ARID3A: variants seen among roughly 807,000 people sequenced by gnomAD.
ARID3A encodes the protein AT-rich interaction domain 3A.
A neutral mutation model predicts 52.7 loss-of-function variants in ARID3A; 11 were observed. That is an observed-to-expected ratio of 0.21 (90% CI 0.13 to 0.35). The LOEUF (loss-of-function observed/expected upper bound fraction) is 0.35. Among genes scored for constraint, ARID3A ranks in the 10% least tolerant of loss-of-function variants. ARID3A has a pLI of 1.00. For missense variants in ARID3A, 721 were observed against 838.5 expected, an observed-to-expected ratio of 0.86 and a Z score of 1.73; for synonymous variants, 404 against 359.4, an observed-to-expected ratio of 1.12 and a Z score of -1.40.
chr19:958,138 T>TA (rs36083984), intron 3 of ARID3A: 106,787 of 143,616 alleles, frequency 0.74, 39,682 homozygotes, highest in Middle Eastern at 0.86. Context: ...AAATTAAAAT[T>TA]AAAAAAAAAA....
chr19:930,794 C>T (rs1451976288), intron 2 of ARID3A, among the ~76,000 whole-genome samples: 1 of 150,500 alleles, frequency 6.6e-6, no homozygotes, highest in Non-Finnish European at 1.5e-5. Flanking sequence ...CAGGCGTGAG[C>T]CACCACACCC....
Position 960,950 on chromosome 19 carries a change from C to T in ARID3A, c.766+786C>T, listed in dbSNP as rs565352762. Among the ~76,000 whole-genome samples the T allele has an allele frequency of 1.2e-3, 179 of 152,134 alleles. 1 individual carries two copies. The highest frequency in any genetic ancestry group is 3.4e-3 in the Middle Eastern group (1 of 294). ...GGGTGTCCCAGCGGCCATTCCCAGG[C>T]CCCACCCCAGCTTAGAGTGACCACG... On this transcript the variant is annotated intron_variant, in intron 4 of 8. Coordinates refer to ENST00000263620, the MANE Select transcript of ARID3A (RefSeq NM_005224.3). The surrounding 1 kb of genome is among the most constrained non-coding windows in gnomAD (Gnocchi z 4.3).
intron 3 of ARID3A, among the ~76,000 whole-genome samples, chr19:943,978 T>TGTCTGCTCCCCGTGTGTCTGG (rs1321770836): frequency 1.3e-5 from 2 of 151,248 alleles, no homozygotes; most frequent in African/African-American, 4.9e-5. Flanking sequence ...GCACCTGCTG[T>TGTCTGCTCCCCGTGTGTCTGG]ATGCCAGCCC....
chr19:946,149 G>GC (rs2037674762), intron 3 of ARID3A, among the ~76,000 whole-genome samples: 1 of 152,194 alleles, frequency 6.6e-6, no homozygotes, highest in African/African-American at 2.4e-5. Flanking sequence ...TGTACAGAAC[G>GC]CCCCGGCCGC....
intron 3 of ARID3A, among the ~76,000 whole-genome samples, chr19:948,028 C>T (rs1401600330): frequency 2.0e-5 from 3 of 152,122 alleles, no homozygotes; most frequent in African/African-American, 7.2e-5. Context: ...CGGGGAAGGG[C>T]CTGAGGTCAC....
At position 929,812 on chromosome 19, in the gene ARID3A, G is replaced by A. The variant is rs765015703; in HGVS notation, c.284G>A (p.Arg95Gln). 23 of 1,546,070 alleles carry A rather than the reference G, an allele frequency of 1.5e-5. No individual in the cohort carries two copies. In the East Asian group the frequency reaches 1.7e-4, roughly 11 times the overall value. The change falls in exon 2 of 9, where the codon CGG becomes CAG. Residue 95 changes from arginine to glutamine, a missense_variant. Physicochemically the swap from Arg to Gln is conservative, Grantham distance 43. Around this residue, in one of 5 missense-constraint regions of ARID3A, gnomAD observed 349 missense variants for 297.3 expected, o/e 1.17. Transcript: ENST00000263620. This position sits in a 1 kb window ranked among gnomAD's most constrained non-coding sequence, Gnocchi z 6.2. ...GGCTCGGAGGAGGAGGACGCGGCCCGGGAGGGGACACCGGGCTCACCCGGG... is the reference window on the plus strand; with the variant it reads ...GGCTCGGAGGAGGAGGACGCGGCCCAGGAGGGGACACCGGGCTCACCCGGG... The part of the protein sequence containing the change: ...PPGSEEEDAA[R>Q]EGTPGSPGRG...
chr19:969,618 G>C (rs1307447315), intron 8 of ARID3A, among the ~76,000 whole-genome samples: 1 of 150,684 alleles, frequency 6.6e-6, no homozygotes, highest in Non-Finnish European at 1.5e-5. Flanking sequence ...ATTAGATATA[G>C]ATTTATATGT....
chr19:972,369 A>C lies in ARID3A; in HGVS notation c.*304A>C. The C allele has an allele frequency of 4.6e-6, 1 of 215,886 alleles. No individual in the cohort carries two copies. Among genetic ancestry groups the C allele is most frequent in the Non-Finnish European group, 9.3e-6 (1 of 106,960 alleles). 13.4% of individuals were successfully genotyped at this position (215,886 alleles called of 1,614,324 possible). ...AACAGCAAAGAAATCCATCAGAAAAACAGAAAGAGGCAGACGTTTCCCAGG... is the reference window on the plus strand; with the variant it reads ...AACAGCAAAGAAATCCATCAGAAAACCAGAAAGAGGCAGACGTTTCCCAGG... On this transcript the variant is annotated 3_prime_UTR_variant, in exon 9 of 9. Coordinates refer to ENST00000263620, the MANE Select transcript of ARID3A (RefSeq NM_005224.3).
intron 3 of ARID3A, among the ~76,000 whole-genome samples, chr19:943,240 G>A (rs1313853906): frequency 1.3e-5 from 2 of 149,780 alleles, no homozygotes; most frequent in African/African-American, 2.5e-5. Context: ...CAGACTGGGC[G>A]ACAGGGCAGG....
rs765682878 is a variant in ARID3A at position 964,405 on chromosome 19, C to A, written c.924C>A (p.Thr308=). The A allele has an allele frequency of 6.8e-6, 11 of 1,607,084 alleles. No homozygotes were observed. The South Asian group carries it at 1.1e-4, about 16-fold the overall frequency. ...TKGLNLPTSI[T]SAAFTLRTQY... is the part of the protein sequence containing the mutation. The stretch of plus-strand genomic sequence containing the variant: ...GCCTCAACCTGCCCACGTCCATCAC[C>A]AGTGCAGCCTTCACCCTGCGGACCC... The change falls in exon 5 of 9, where the codon ACC becomes ACA. Residue 308 remains threonine (T), a synonymous_variant. Transcript: ENST00000263620. The surrounding 1 kb of genome is among the most constrained non-coding windows in gnomAD (Gnocchi z 5.7).
At chr19:952,598 T>G (rs552459721) in intron 3 of ARID3A, among the ~76,000 whole-genome samples, 10 of 152,240 alleles carry the variant, frequency 6.6e-5, no homozygotes, top group African/African-American at 2.4e-4. Flanking sequence ...ACTTGGATTC[T>G]TTCTTGGATT....
At chr19:940,716 G>T (rs2037531367) in intron 3 of ARID3A, among the ~76,000 whole-genome samples, 1 of 152,184 alleles carries the variant, frequency 6.6e-6, no homozygotes, top group South Asian at 2.1e-4. Context: ...TGTTTGTCAA[G>T]AGAGCCCCGA....
intron 3 of ARID3A, among the ~76,000 whole-genome samples, chr19:953,422 G>T (rs975269450): frequency 1.3e-5 from 2 of 151,884 alleles, no homozygotes; most frequent in African/African-American, 4.8e-5. Flanking sequence ...CTCCAGAGGG[G>T]CCCGGTCCTC....
In ARID3A at chr19:972,380, C is replaced by A; in HGVS notation, c.*315C>A. 1 of 217,790 alleles carries A rather than the reference C, an allele frequency of 4.6e-6. No homozygotes were observed. The highest frequency in any genetic ancestry group is 9.2e-6 in the Non-Finnish European group (1 of 108,118). The allele number at this position is 217,790 out of a possible 1,614,324, so 13.5% of individuals were successfully genotyped here. A position where few individuals can be genotyped will look rare whatever the true frequency, so the allele number is the denominator to read the frequency against. ...AATCCATCAGAAAAACAGAAAGAGG[C>A]AGACGTTTCCCAGGGCGTTCAGGCA... On this transcript the variant is annotated 3_prime_UTR_variant, in exon 9 of 9. Transcript: ENST00000263620.
intron 3 of ARID3A, among the ~76,000 whole-genome samples, chr19:953,760 G>A (rs1224360212): frequency 6.6e-6 from 1 of 152,166 alleles, no homozygotes; most frequent in African/African-American, 2.4e-5. Context: ...CCTGGGGTGG[G>A]GGCCTGTGCG....
At chr19:953,211 C>A (rs2037838501) in intron 3 of ARID3A, among the ~76,000 whole-genome samples, 1 of 152,174 alleles carries the variant, frequency 6.6e-6, no homozygotes, top group Non-Finnish European at 1.5e-5. Context: ...ACCCTGTCCG[C>A]CAGCAGACTC....
At position 968,518 on chromosome 19, in the gene ARID3A, G is replaced by T. The variant is rs964599951; in HGVS notation, c.1594+15G>T. ...CATGTACACAGGTAGGACCCCTGAGGCCACGCCCTGCCTGGACCTCGCCTC... is the reference window on the plus strand; with the variant it reads ...CATGTACACAGGTAGGACCCCTGAGTCCACGCCCTGCCTGGACCTCGCCTC... On this transcript the variant is annotated intron_variant, in intron 8 of 8. Transcript: ENST00000263620. 3 of 1,611,282 alleles carry T rather than the reference G, an allele frequency of 1.9e-6. No individual in the cohort carries two copies. The African/African-American group carries it at 4.0e-5, about 22-fold the overall frequency.
rs573875668 is a variant in ARID3A at position 954,607 on chromosome 19, G to A, written c.694-5485G>A. On this transcript the variant is annotated intron_variant, in intron 3 of 8. Coordinates refer to ENST00000263620, the MANE Select transcript of ARID3A (RefSeq NM_005224.3). ...ACAGCTGGGGCCATGCGAGGGCTGG[G>A]GGTCCAAGGGGGGCCGTGAGCCAGA... 1.0e-3 allele frequency among the ~76,000 whole-genome samples: 157 copies of A among 152,338 alleles called. 1 individual carries two copies. The highest frequency in any genetic ancestry group is 3.6e-3 in the African/African-American group (148 of 41,582).
chr19:936,831 A>C (rs2037448604), intron 3 of ARID3A, among the ~76,000 whole-genome samples: 2 of 151,918 alleles, frequency 1.3e-5, no homozygotes, highest in Non-Finnish European at 2.9e-5. Flanking sequence ...GCAGAGAGAG[A>C]TTCTGTCTCT....
Sources: allele counts gnomAD v4.1 joint callset (sites outside exome capture counted in the v4.1 genomes callset), GRCh38; gene constraint gnomAD v4.1.1; regional missense constraint gnomAD v4.1.1; non-coding constraint Gnocchi (gnomAD v3.1); transcripts MANE v1.5; gene names NCBI Gene and HGNC (gene_info 2026-07-23, HGNC 2026-07-21).